The following DPP10 variants were observed in gnomAD, a reference collection of about 807,000 sequenced individuals.
The protein encoded by DPP10 is dipeptidyl peptidase like 10.
Under a neutral mutation model 120.9 loss-of-function variants are expected in DPP10, and 33 were observed. The ratio of observed to expected loss-of-function variants is 0.27; its 90% CI spans 0.21 to 0.37. The LOEUF (loss-of-function observed/expected upper bound fraction) is 0.37. DPP10 is among the 10% of genes least tolerant of loss of function. The pLI, the probability that DPP10 is intolerant of heterozygous loss-of-function variation, is 1.00. For missense variants in DPP10, 816 were observed against 942.8 expected (o/e 0.87, Z 1.76); for synonymous variants, 337 against 326.1 (o/e 1.03, Z -0.36).
chr2:115,160,888 T>C (rs1406968429), intron 1 of DPP10, among the ~76,000 whole-genome samples: 1 of 152,090 alleles, frequency 6.6e-6, no homozygotes, highest in Non-Finnish European at 1.5e-5. Flanking sequence ...TTCTCTCCCC[T>C]GCGACCCTCT....
At chr2:114,609,347 A>G (rs1403596100) in intron 1 of DPP10, among the ~76,000 whole-genome samples, 1 of 152,180 alleles carries the variant, frequency 6.6e-6, no homozygotes, top group Non-Finnish European at 1.5e-5. Context: ...GCCAACATTT[A>G]TCCCCTGGGC....
intron 3 of DPP10, among the ~76,000 whole-genome samples, chr2:115,376,092 A>C (rs1419473127): frequency 6.6e-6 from 1 of 152,162 alleles, no homozygotes; most frequent in East Asian, 1.9e-4. Flanking sequence ...CTCTTGCTAA[A>C]ATTGTCTTGG....
chr2:115,738,886 G>C (rs951700381), intron 8 of DPP10, among the ~76,000 whole-genome samples: 2 of 152,134 alleles, frequency 1.3e-5, no homozygotes, highest in African/African-American at 4.8e-5. Flanking sequence ...ACATTTTATT[G>C]TCTTTTTATT....
At chr2:115,622,256 ATT>A (rs1217047979) in intron 5 of DPP10, among the ~76,000 whole-genome samples, 1 of 152,052 alleles carries the variant, frequency 6.6e-6, no homozygotes, top group Non-Finnish European at 1.5e-5. Context: ...TCTTTGGAAC[ATT>A]TCACAAAAAA....
chr2:114,792,013 C>T (rs6542224), intron 1 of DPP10, among the ~76,000 whole-genome samples: 75,998 of 152,044 alleles, frequency 0.5, 20,038 homozygotes, highest in East Asian at 0.79. Flanking sequence ...TTATGAGACA[C>T]GAATGTTGGC....
chr2:115,719,660 T>C (rs1014135330), intron 7 of DPP10, among the ~76,000 whole-genome samples: 2 of 152,212 alleles, frequency 1.3e-5, no homozygotes, highest in African/African-American at 4.8e-5. Flanking sequence ...AAAAGTAAAG[T>C]TGAATGCTGC....
At chr2:115,658,188 C>T (rs1216493181) in intron 5 of DPP10, among the ~76,000 whole-genome samples, 1 of 151,908 alleles carries the variant, frequency 6.6e-6, no homozygotes, top group Non-Finnish European at 1.5e-5. Context: ...CTAGTAAATG[C>T]AACAAGCAAT....
At chr2:114,859,065 G>T (rs564830477) in intron 1 of DPP10, among the ~76,000 whole-genome samples, 2 of 151,938 alleles carry the variant, frequency 1.3e-5, no homozygotes, top group South Asian at 2.1e-4. Flanking sequence ...GGTGGCTCAC[G>T]CCTGTAATCT....
intron 3 of DPP10, among the ~76,000 whole-genome samples, chr2:115,494,697 A>G (rs1024155498): frequency 3.3e-5 from 5 of 152,034 alleles, no homozygotes; most frequent in African/African-American, 1.2e-4. Flanking sequence ...TTTATTTTTA[A>G]TTGCTCAGCT....
chr2:115,661,659 C>T (rs922647881), intron 5 of DPP10, among the ~76,000 whole-genome samples: 3 of 152,170 alleles, frequency 2.0e-5, no homozygotes, highest in Non-Finnish European at 4.4e-5. Flanking sequence ...TAGCCCTGAT[C>T]TGGGTTTTTT....
intron 5 of DPP10, among the ~76,000 whole-genome samples, chr2:115,594,677 C>A (rs1278706375): frequency 2.0e-5 from 3 of 152,048 alleles, no homozygotes; most frequent in African/African-American, 7.2e-5. Flanking sequence ...TCTATGAACT[C>A]CCCATAAGAA....
chr2:114,494,111 A>AAAAAC (rs1553450314), intron 1 of DPP10, among the ~76,000 whole-genome samples: 1 of 146,172 alleles, frequency 6.8e-6, no homozygotes, highest in Non-Finnish European at 1.5e-5. Flanking sequence ...CAAAAAAAAA[A>AAAAAC]AAAAAAAAAA....
chr2:114,797,157 A>G (rs926018231), intron 1 of DPP10, among the ~76,000 whole-genome samples: 1 of 152,202 alleles, frequency 6.6e-6, no homozygotes, highest in African/African-American at 2.4e-5. Context: ...TTTAACTTTC[A>G]AGATTAATGT....
chr2:115,390,742 T>A (rs1018291178), intron 3 of DPP10, among the ~76,000 whole-genome samples: 1 of 152,096 alleles, frequency 6.6e-6, no homozygotes, highest in African/African-American at 2.4e-5. Context: ...ATGTAGAAAG[T>A]TTATAGAAAC....
chr2:114,773,414 A>G (rs1242241271), intron 1 of DPP10, among the ~76,000 whole-genome samples: 1 of 148,636 alleles, frequency 6.7e-6, no homozygotes, highest in Non-Finnish European at 1.5e-5. Context: ...TATACAAATT[A>G]TAACTCAACA....
intron 1 of DPP10, among the ~76,000 whole-genome samples, chr2:114,667,694 T>G (rs1407231427): frequency 1.3e-5 from 2 of 152,178 alleles, no homozygotes; most frequent in African/African-American, 2.4e-5. Context: ...GAGTAAATGC[T>G]GCTACAGAGG....
At chr2:115,430,193 C>T (rs1176418434) in intron 3 of DPP10, among the ~76,000 whole-genome samples, 4 of 152,042 alleles carry the variant, frequency 2.6e-5, no homozygotes, top group Middle Eastern at 3.2e-3. Context: ...AATTGTCACA[C>T]AAATTGATGT....
chr2:115,657,443 C>G (rs1464962013), intron 5 of DPP10, among the ~76,000 whole-genome samples: 1 of 151,676 alleles, frequency 6.6e-6, no homozygotes, highest in East Asian at 1.9e-4. Flanking sequence ...TGGTTGTTTT[C>G]TCTATTTCTT....
intron 1 of DPP10, among the ~76,000 whole-genome samples, chr2:114,444,588 T>A (rs551321910): frequency 1.4e-5 from 2 of 146,380 alleles, no homozygotes; most frequent in East Asian, 3.9e-4. Context: ...GAAAAAAAAA[T>A]GTTTCTAGTG....
Sources: gnomAD v4.1 joint callset for allele counts (sites outside exome capture counted in the v4.1 genomes callset) on GRCh38, gnomAD v4.1.1 for gene constraint, MANE v1.5 for transcripts, NCBI Gene and HGNC (gene_info 2026-07-23, HGNC 2026-07-21) for gene names.